PTPRG: variants seen among roughly 807,000 people sequenced by gnomAD.
PTPRG encodes receptor-type tyrosine-protein phosphatase gamma.
In PTPRG, 102 loss-of-function variants were observed where a neutral mutation model predicts 165.3. That is an observed-to-expected ratio of 0.62 (90% confidence interval 0.53 to 0.73). The LOEUF is 0.73. Ranked by LOEUF, PTPRG falls within the 30% of genes least tolerant of loss-of-function variation. The pLI, the probability that PTPRG is intolerant of heterozygous loss-of-function variation, is 0.00. For synonymous variants in PTPRG, 675 were observed against 669.5 expected, an observed-to-expected ratio of 1.01 and a Z score of -0.13; for missense variants, 1,866 against 1,861.4, an observed-to-expected ratio of 1.00 and a Z score of -0.05.
intron 4 of PTPRG, among the ~76,000 whole-genome samples, chr3:62,073,023 G>C (rs1212922629): frequency 6.6e-6 from 1 of 152,118 alleles, no homozygotes; most frequent in East Asian, 1.9e-4. Context: ...TAGTTTTGAA[G>C]GGTCTCCTAC....
At chr3:61,797,063 G>A (rs1262460753) in intron 2 of PTPRG, among the ~76,000 whole-genome samples, 2 of 152,198 alleles carry the variant, frequency 1.3e-5, no homozygotes. Flanking sequence ...CTGGTTTTGC[G>A]AGGTTGTTAG....
At chr3:61,618,654 T>G (rs1701367033) in intron 1 of PTPRG, among the ~76,000 whole-genome samples, 1 of 152,200 alleles carries the variant, frequency 6.6e-6, no homozygotes, top group Non-Finnish European at 1.5e-5. Flanking sequence ...ATATCCATCT[T>G]CTGTTAAAGG....
intron 2 of PTPRG, among the ~76,000 whole-genome samples, chr3:61,906,881 C>T (rs1030913764): frequency 6.6e-6 from 1 of 151,908 alleles, no homozygotes; most frequent in Non-Finnish European, 1.5e-5. Context: ...ATTTTTAAAA[C>T]GCTGTCTGAC....
intron 4 of PTPRG, among the ~76,000 whole-genome samples, chr3:62,063,306 A>T (rs549548808): frequency 3.3e-5 from 5 of 152,234 alleles, no homozygotes; most frequent in African/African-American, 1.2e-4. Context: ...CAAAGCTACA[A>T]TGGTGGCAGC....
chr3:61,579,742 G>A (rs896681148), intron 1 of PTPRG, among the ~76,000 whole-genome samples: 6 of 152,202 alleles, frequency 3.9e-5, no homozygotes, highest in Non-Finnish European at 7.3e-5. Context: ...TACTTTAAGA[G>A]CTGAGTTCTG....
chr3:61,647,518 C>T (rs537508860), intron 1 of PTPRG, among the ~76,000 whole-genome samples: 11 of 152,264 alleles, frequency 7.2e-5, no homozygotes, highest in Admixed American at 2.6e-4. Context: ...TGGCCGGGCA[C>T]AGTGGCTCAC....
chr3:62,005,354 A>G (rs2041270762), intron 4 of PTPRG, among the ~76,000 whole-genome samples: 1 of 152,184 alleles, frequency 6.6e-6, no homozygotes, highest in African/African-American at 2.4e-5. Context: ...GCAAAATTAC[A>G]TCATGTTCTT....
chr3:61,612,859 TTGTGTGTGTGTGTG>T (rs57134478), intron 1 of PTPRG, among the ~76,000 whole-genome samples: 1 of 150,334 alleles, frequency 6.7e-6, no homozygotes, highest in East Asian at 2.0e-4. Context: ...TGGAATTAAT[TTGTGTGTGTGTGTG>T]TGTGTGTGTG....
At chr3:61,704,953 T>C (rs1477531143) in intron 1 of PTPRG, among the ~76,000 whole-genome samples, 2 of 152,208 alleles carry the variant, frequency 1.3e-5, no homozygotes, top group Admixed American at 6.5e-5. Flanking sequence ...CTTCCCTGGC[T>C]TCCTGCAAGT....
intron 1 of PTPRG, among the ~76,000 whole-genome samples, chr3:61,584,237 G>C (rs1700379180): frequency 6.6e-6 from 1 of 152,162 alleles, no homozygotes; most frequent in Non-Finnish European, 1.5e-5. Flanking sequence ...ACAACATTTA[G>C]AGCCTGAATT....
intron 2 of PTPRG, among the ~76,000 whole-genome samples, chr3:61,894,799 A>G (rs183088732): frequency 8.5e-5 from 13 of 152,304 alleles, no homozygotes; most frequent in Admixed American, 2.0e-4. Flanking sequence ...GCCCTTGGAG[A>G]TCAGATCCAC....
intron 17 of PTPRG, among the ~76,000 whole-genome samples, chr3:62,266,989 C>G (rs1469319040): frequency 6.6e-6 from 1 of 151,472 alleles, no homozygotes; most frequent in Non-Finnish European, 1.5e-5. Flanking sequence ...GCAGGGAATC[C>G]AAGTGAATTA....
intron 5 of PTPRG, 135 bp downstream of exon 5, chr3:62,078,393 CTAA>C: frequency 3.4e-6 from 2 of 586,896 alleles, no homozygotes; most frequent in Non-Finnish European, 5.9e-6. Flanking sequence ...TTCATATTGT[CTAA>C]TGTGTGATTT....
intron 1 of PTPRG, among the ~76,000 whole-genome samples, chr3:61,648,119 G>GAAT (rs1702254131): frequency 6.6e-6 from 1 of 151,962 alleles, no homozygotes; most frequent in Admixed American, 6.5e-5. Context: ...TGTCACCTGA[G>GAAT]AATATCCTGA....
At chr3:62,238,728 G>T (rs1701087525) in intron 14 of PTPRG, among the ~76,000 whole-genome samples, 1 of 152,144 alleles carries the variant, frequency 6.6e-6, no homozygotes, top group African/African-American at 2.4e-5. Flanking sequence ...AAAGAGCTAT[G>T]CACTGCTTGT....
chr3:61,924,340 C>T (rs1208317563), intron 2 of PTPRG, among the ~76,000 whole-genome samples: 1 of 152,148 alleles, frequency 6.6e-6, no homozygotes, highest in Admixed American at 6.5e-5. Context: ...CTACCACCAG[C>T]CCAGAAGGAA....
intron 4 of PTPRG, among the ~76,000 whole-genome samples, chr3:62,066,181 T>C (rs1460492966): frequency 6.6e-6 from 1 of 152,216 alleles, no homozygotes; most frequent in African/African-American, 2.4e-5. Flanking sequence ...CATGACGTCA[T>C]CATTTCCCCG....
intron 5 of PTPRG, among the ~76,000 whole-genome samples, chr3:62,081,053 C>G (rs112587191): frequency 0.065 from 9,795 of 151,640 alleles, 464 homozygotes; most frequent in South Asian, 0.11. Flanking sequence ...TTCAGGAGAT[C>G]GAGACCATCC....
intron 2 of PTPRG, 122 bp downstream of exon 2, chr3:61,749,104 C>A: frequency 3.6e-6 from 3 of 843,428 alleles, no homozygotes; most frequent in Non-Finnish European, 5.9e-6. Flanking sequence ...TTTCGTAGTT[C>A]ACTAAAAGTT....
Sources: gnomAD v4.1 joint callset for allele counts (sites outside exome capture counted in the v4.1 genomes callset) on GRCh38, gnomAD v4.1.1 for gene constraint, MANE v1.5 for transcripts, NCBI Gene and HGNC (gene_info 2026-07-23, HGNC 2026-07-21) for gene names.